The following MRPL21 variants were observed in gnomAD, a reference collection of about 807,000 sequenced individuals.
MRPL21 encodes large ribosomal subunit protein bL21m.
In MRPL21, 20 loss-of-function variants were observed where a neutral mutation model predicts 27.3. That is an observed-to-expected ratio of 0.73 (90% CI 0.52 to 1.06). The LOEUF (loss-of-function observed/expected upper bound fraction) is 1.06. Ranked by LOEUF, MRPL21 falls within the 50% of genes least tolerant of loss-of-function variation. The probability of loss-of-function intolerance (pLI) is 0.00; values close to 1 mark genes in which losing one functional copy is unlikely to be tolerated. For synonymous variants in MRPL21, 98 were observed against 101.5 expected (o/e 0.97, Z 0.21); for missense variants, 249 against 251.4 (o/e 0.99, Z 0.06).
At chr11:68,895,798 T>G (rs1402690950) in intron 4 of MRPL21, among the ~76,000 whole-genome samples, 1 of 152,150 alleles carries the variant, frequency 6.6e-6, no homozygotes, top group East Asian at 1.9e-4. Flanking sequence ...GCCCCACAAA[T>G]AGCTGGGACT....
At chr11:68,900,925 T>C (rs763487362) in intron 1 of MRPL21, among the ~76,000 whole-genome samples, 21 of 152,246 alleles carry the variant, frequency 1.4e-4, no homozygotes, top group African/African-American at 2.2e-4. Context: ...GCCTCCAAGA[T>C]GGCCCTGCTG....
intron 1 of MRPL21, among the ~76,000 whole-genome samples, chr11:68,901,953 C>T (rs1413163651): frequency 6.6e-6 from 1 of 152,208 alleles, no homozygotes; most frequent in East Asian, 1.9e-4. Flanking sequence ...TTCTCTCGCA[C>T]ACTACTCAGT....
intron 1 of MRPL21, among the ~76,000 whole-genome samples, chr11:68,901,146 G>A (rs578166034): frequency 4.6e-5 from 7 of 152,302 alleles, no homozygotes; most frequent in East Asian, 3.9e-4. Context: ...TCCACATGGC[G>A]GGGAACTAGG....
At chr11:68,896,175 T>C (rs1443926970) in intron 4 of MRPL21, among the ~76,000 whole-genome samples, 1 of 152,242 alleles carries the variant, frequency 6.6e-6, no homozygotes, top group African/African-American at 2.4e-5. Context: ...ATTTTTATTA[T>C]CTTTGCAATC....
intron 2 of MRPL21, among the ~76,000 whole-genome samples, chr11:68,899,542 G>A (rs1257958758): frequency 6.6e-6 from 1 of 152,166 alleles, no homozygotes; most frequent in Non-Finnish European, 1.5e-5. Flanking sequence ...GAGACAAGGA[G>A]GACAAGGAAG....
Position 68,903,726 on chromosome 11 carries a change from C to T in MRPL21, c.85G>A (p.Ala29Thr), listed in dbSNP as rs1320965412. 6.2e-7 allele frequency: 1 copy of T among 1,613,216 alleles called. No individual in the cohort carries two copies. Among genetic ancestry groups the T allele is most frequent in the Non-Finnish European group, 8.5e-7 (1 of 1,180,038 alleles). The change falls in exon 1 of 7, where the codon GCA (alanine) becomes ACA (threonine). Residue 29 changes from alanine (A) to threonine (T), a missense_variant. Ala to Thr is a moderately conservative substitution (Grantham distance 58). Coordinates refer to ENST00000362034, the MANE Select transcript of MRPL21 (RefSeq NM_181514.2). ...HSILRPSGPG[A>T]ASLWSASRRF... ...CCTCCCATATCCCAGGTCTCACCTG[C>T]TCCGGGCCCCGAAGGTCTCAGGATG...
At chr11:68,894,733 G>C (rs568703113) in intron 4 of MRPL21, among the ~76,000 whole-genome samples, 2 of 152,200 alleles carry the variant, frequency 1.3e-5, no homozygotes, top group Admixed American at 1.3e-4. Flanking sequence ...AATAAAATAA[G>C]TATTTTTAGA....
chr11:68,891,440 T>G (rs998755268), intron 6 of MRPL21, 45 bp from the exon 7 acceptor site: 5 of 1,591,174 alleles, frequency 3.1e-6, no homozygotes, highest in Non-Finnish European at 4.3e-6. Context: ...CCCTGACTGT[T>G]GTCATCAGTT....
At chr11:68,895,416 A>G (rs143226779) in intron 4 of MRPL21, among the ~76,000 whole-genome samples, 2,297 of 151,790 alleles carry the variant, frequency 0.015, 51 homozygotes, top group African/African-American at 0.053. Flanking sequence ...TTGGGAGGCC[A>G]AGGCAGGTGG....
At chr11:68,894,218 C>T (rs116715501) in intron 4 of MRPL21, among the ~76,000 whole-genome samples, 2,304 of 152,182 alleles carry the variant, frequency 0.015, 53 homozygotes, top group African/African-American at 0.053. Flanking sequence ...TTCTCAATGC[C>T]GGGAAATCAC....
At chr11:68,898,181 T>C (rs1301127032) in intron 2 of MRPL21, among the ~76,000 whole-genome samples, 169 bp from the exon 3 acceptor site, 1 of 152,212 alleles carries the variant, frequency 6.6e-6, no homozygotes, top group African/African-American at 2.4e-5. Flanking sequence ...AGGCTCCCTG[T>C]ATCCTTTTAG....
intron 2 of MRPL21, among the ~76,000 whole-genome samples, chr11:68,898,516 T>C (rs1857857280): frequency 6.6e-6 from 1 of 152,194 alleles, no homozygotes; most frequent in African/African-American, 2.4e-5. Flanking sequence ...CCTAGGTAGG[T>C]GCCTGCTCTT....
At chr11:68,891,468 C>A (rs776276063) in intron 6 of MRPL21, 73 bp from the exon 7 acceptor site, 2 of 1,485,568 alleles carry the variant, frequency 1.3e-6, no homozygotes, top group Non-Finnish European at 9.4e-7. Flanking sequence ...GGGCTCTGCA[C>A]ACAGCCCTCC....
At chr11:68,902,527 A>G (rs888074043) in intron 1 of MRPL21, among the ~76,000 whole-genome samples, 2 of 152,228 alleles carry the variant, frequency 1.3e-5, no homozygotes, top group Admixed American at 6.5e-5. Flanking sequence ...TTTCACACCA[A>G]AATTGAGTGG....
At position 68,896,548 on chromosome 11, in the gene MRPL21, G is replaced by T; in HGVS notation, c.363C>A (p.Asp121Glu). 1 of 1,614,240 alleles carries T rather than the reference G, an allele frequency of 6.2e-7. No homozygotes were observed. Among genetic ancestry groups the T allele is most frequent in the Middle Eastern group, 1.6e-4 (1 of 6,062 alleles). Residue 121 changes from aspartate (D) to glutamate (E), a missense_variant, in exon 4 of 7, where the codon GAC becomes GAA. Transcript: ENST00000362034. ...EDLILIGNELDLACGERIRLE... is the reference protein window; with the variant it reads ...EDLILIGNELELACGERIRLE... ...GTCGAATTCTCTCTCCACACGCAAG[G>T]TCTAGTTCATTTCCAATTAAGATCA...
intron 2 of MRPL21, among the ~76,000 whole-genome samples, chr11:68,899,638 C>T (rs982160156): frequency 7.9e-5 from 12 of 152,332 alleles, no homozygotes; most frequent in African/African-American, 2.4e-4. Flanking sequence ...GAGAAGAACA[C>T]GCTGGCAGGA....
chr11:68,893,014 CAAT>C, intron 5 of MRPL21, 21 bp from the exon 6 acceptor site: 1 of 1,532,552 alleles, frequency 6.5e-7, no homozygotes, highest in Non-Finnish European at 8.7e-7. Context: ...GAAAAATCAA[CAAT>C]AATGTACCTT....
chr11:68,893,939 C>T lies in MRPL21; in HGVS notation c.397-484G>A, dbSNP rs542317617. ...AATACAAAAACTTAGCTGGGCGTGGCGGCATGCACCTGTAGTCCCAGCTAC... is the reference window on the plus strand; with the variant it reads ...AATACAAAAACTTAGCTGGGCGTGGTGGCATGCACCTGTAGTCCCAGCTAC... On this transcript the variant is annotated intron_variant, in intron 4 of 6. Coordinates refer to ENST00000362034, the MANE Select transcript of MRPL21 (RefSeq NM_181514.2). 3.9e-5 allele frequency among the ~76,000 whole-genome samples: 6 copies of T among 152,082 alleles called. No individual in the cohort carries two copies. In the Middle Eastern group the frequency reaches 0.01, roughly 259 times the overall value.
chr11:68,893,960 G>A (rs540470584), intron 4 of MRPL21, among the ~76,000 whole-genome samples: 1 of 152,222 alleles, frequency 6.6e-6, no homozygotes, highest in South Asian at 2.1e-4. Flanking sequence ...TGTAGTCCCA[G>A]CTACTCAGGA....
Sources: allele counts gnomAD v4.1 joint callset (sites outside exome capture counted in the v4.1 genomes callset), GRCh38; gene constraint gnomAD v4.1.1; transcripts MANE v1.5; gene names NCBI Gene and HGNC (gene_info 2026-07-23, HGNC 2026-07-21).